Variants in CCDC192 observed in about 807,000 individuals in gnomAD.
CCDC192 encodes the protein coiled-coil domain containing 192.
intron 3 of CCDC192, among the ~76,000 whole-genome samples, chr5:127,773,777 G>T (rs1354068201): frequency 6.6e-6 from 1 of 152,080 alleles, no homozygotes; most frequent in Non-Finnish European, 1.5e-5. Context: ...TGGTATATAT[G>T]TACAAGTAGA....
intron 6 of CCDC192, among the ~76,000 whole-genome samples, chr5:127,878,662 TA>T (rs1752214989): frequency 6.6e-6 from 1 of 152,140 alleles, no homozygotes; most frequent in African/African-American, 2.4e-5. Context: ...TCTCAAAAAA[TA>T]AAATGAAATT....
intron 6 of CCDC192, among the ~76,000 whole-genome samples, chr5:127,891,049 C>G (rs946871642): frequency 5.3e-5 from 8 of 152,072 alleles, no homozygotes; most frequent in Non-Finnish European, 8.8e-5. Flanking sequence ...AGGAGAATGA[C>G]CTTGCTTGTT....
chr5:127,716,914 T>G (rs1002945973), intron 2 of CCDC192, among the ~76,000 whole-genome samples: 1 of 152,332 alleles, frequency 6.6e-6, no homozygotes, highest in South Asian at 2.1e-4. Flanking sequence ...CCAATAAGCC[T>G]TCTGCAGCAA....
intron 5 of CCDC192, among the ~76,000 whole-genome samples, chr5:127,846,665 T>C (rs1218995929): frequency 1.3e-5 from 2 of 151,924 alleles, no homozygotes; most frequent in African/African-American, 4.8e-5. Flanking sequence ...AAACAGGGTT[T>C]CATCATGTTG....
intron 6 of CCDC192, among the ~76,000 whole-genome samples, chr5:127,917,200 T>A (rs767440611): frequency 6.6e-6 from 1 of 152,266 alleles, no homozygotes; most frequent in Non-Finnish European, 1.5e-5. Context: ...TCAGCCTTCA[T>A]TGAATTGAAG....
intron 2 of CCDC192, among the ~76,000 whole-genome samples, chr5:127,744,559 T>C (rs1310160426): frequency 1.3e-5 from 2 of 152,218 alleles, no homozygotes; most frequent in Non-Finnish European, 1.5e-5. Context: ...TCTTCCACAA[T>C]GGTGAAATTT....
At chr5:127,786,117 C>CA (rs1193098597) in intron 3 of CCDC192, 1 of 1,037,012 alleles carries the variant, frequency 9.6e-7, no homozygotes, top group Non-Finnish European at 1.5e-6. Context: ...TGTCAGCATC[C>CA]AATAAATTCT....
intron 5 of CCDC192, among the ~76,000 whole-genome samples, chr5:127,817,359 T>G (rs1391440518): frequency 1.3e-5 from 2 of 152,194 alleles, no homozygotes; most frequent in Admixed American, 6.5e-5. Flanking sequence ...ATGGCAACAT[T>G]ATTTACAATA....
intron 6 of CCDC192, among the ~76,000 whole-genome samples, chr5:127,933,716 C>T (rs1164842611): frequency 1.3e-5 from 2 of 152,100 alleles, no homozygotes; most frequent in Non-Finnish European, 2.9e-5. Flanking sequence ...GACATCCAAT[C>T]CCCAGTGGGT....
chr5:127,747,007 G>T (rs1382021472), intron 2 of CCDC192, among the ~76,000 whole-genome samples: 1 of 151,096 alleles, frequency 6.6e-6, no homozygotes, highest in African/African-American at 2.4e-5. Context: ...GGTCTCATAA[G>T]CCATAGGGAA....
rs998896200 is a variant in CCDC192 at position 127,876,113 on chromosome 5, G to C, written c.535+452G>C. Among the ~76,000 whole-genome samples, 13 of 141,330 alleles carry C rather than the reference G, an allele frequency of 9.2e-5. 2 individuals carry two copies. In the East Asian group the frequency reaches 2.1e-3, roughly 23 times the overall value. 92.7% of individuals were successfully genotyped at this position (141,330 alleles called of 152,430 possible). On this transcript the variant is annotated intron_variant, in intron 6 of 6. Transcript: ENST00000514853. ...CAATAGGCAAATGAACCAGAAACAA[G>C]CAGAGAAGGCTGGCTGGAGATGAAA... is the stretch of plus-strand genomic sequence containing the variant.
At position 127,752,227 on chromosome 5, in the gene CCDC192, TC is replaced by T. The variant is rs1306849728; in HGVS notation, c.115-2037del. Reference sequence around the variant, plus strand: ...TTTCCAGTTTTTCTGCTCTGTTTTTTCCCCATCTTTGTGGTTTTATCTACTT... The same window carrying T: ...TTTCCAGTTTTTCTGCTCTGTTTTTTCCCATCTTTGTGGTTTTATCTACTT... On this transcript the variant is annotated intron_variant, in intron 2 of 6. Transcript: ENST00000514853. 1.6e-4 allele frequency among the ~76,000 whole-genome samples: 25 copies of T among 152,368 alleles called. 1 individual carries two copies. The highest frequency in any genetic ancestry group is 1.5e-3 in the Admixed American group (23 of 15,302).
chr5:127,899,561 CAAAAA>C (rs10537626), intron 6 of CCDC192, among the ~76,000 whole-genome samples: 2 of 137,388 alleles, frequency 1.5e-5, no homozygotes, highest in African/African-American at 2.7e-5. Flanking sequence ...CACACTGCAC[CAAAAA>C]AAAAAAAAAA....
chr5:127,736,833 A>G (rs1191324326), intron 2 of CCDC192, among the ~76,000 whole-genome samples: 7 of 149,168 alleles, frequency 4.7e-5, no homozygotes, highest in Non-Finnish European at 1.0e-4. Context: ...TTTCTTTATT[A>G]GTCTTGCTAG....
At chr5:127,712,581 C>G (rs1751399222) in intron 2 of CCDC192, among the ~76,000 whole-genome samples, 1 of 152,172 alleles carries the variant, frequency 6.6e-6, no homozygotes, top group Admixed American at 6.5e-5. Flanking sequence ...CTAAATAAAC[C>G]TCTTTTCTTT....
chr5:127,931,924 G>C (rs1754039248), intron 6 of CCDC192, among the ~76,000 whole-genome samples: 1 of 151,982 alleles, frequency 6.6e-6, no homozygotes, highest in African/African-American at 2.4e-5. Flanking sequence ...GGCCGAGGCA[G>C]GTGGATCACG....
At chr5:127,884,659 G>C (rs1255384157) in intron 6 of CCDC192, among the ~76,000 whole-genome samples, 4 of 152,178 alleles carry the variant, frequency 2.6e-5, no homozygotes, top group Admixed American at 2.6e-4. Flanking sequence ...TCATGTGCCA[G>C]ATGTGAAGGG....
At chr5:127,879,163 A>G (rs1177107240) in intron 6 of CCDC192, among the ~76,000 whole-genome samples, 1 of 152,208 alleles carries the variant, frequency 6.6e-6, no homozygotes, top group Non-Finnish European at 1.5e-5. Context: ...AGCTGGAGGC[A>G]TCACACTACC....
intron 6 of CCDC192, among the ~76,000 whole-genome samples, chr5:127,916,518 T>A (rs1753524996): frequency 6.6e-6 from 1 of 152,244 alleles, no homozygotes; most frequent in Admixed American, 6.5e-5. Flanking sequence ...ACAAAATGTA[T>A]TTCTTAAATA....
Sources: gnomAD v4.1 joint callset for allele counts (sites outside exome capture counted in the v4.1 genomes callset) on GRCh38, gnomAD v4.1.1 for gene constraint, MANE v1.5 for transcripts, NCBI Gene and HGNC (gene_info 2026-07-23, HGNC 2026-07-21) for gene names.